Variants in FAM184A observed in about 807,000 individuals in gnomAD.
FAM184A encodes family with sequence similarity 184 member A.
Under a neutral mutation model 143.8 loss-of-function variants are expected in FAM184A, and 99 were observed. The observed-to-expected ratio is 0.69, with a 90% CI of 0.58 to 0.81. FAM184A has a LOEUF of 0.81. FAM184A is among the 40% of genes least tolerant of loss of function. The probability of loss-of-function intolerance (pLI) is 0.00; values close to 1 mark genes in which losing one functional copy is unlikely to be tolerated. For synonymous variants in FAM184A, 427 were observed against 446.4 expected (o/e 0.96, Z 0.55); for missense variants, 1,217 against 1,310.5 (o/e 0.93, Z 1.10).
intron 11 of FAM184A, among the ~76,000 whole-genome samples, chr6:118,978,929 A>C (rs1783931064): frequency 2.6e-5 from 4 of 152,206 alleles, no homozygotes; most frequent in Admixed American, 2.0e-4. Context: ...ATAGGTAGAA[A>C]TCTCAAAGAA....
intron 1 of FAM184A, among the ~76,000 whole-genome samples, chr6:119,114,170 C>T (rs2114851971): frequency 6.6e-6 from 1 of 152,298 alleles, no homozygotes; most frequent in African/African-American, 2.4e-5. Context: ...GGTGCCTACA[C>T]TATCCCATAT....
At chr6:118,978,164 T>C (rs1379419974) in intron 11 of FAM184A, among the ~76,000 whole-genome samples, 1 of 152,160 alleles carries the variant, frequency 6.6e-6, no homozygotes, top group Non-Finnish European at 1.5e-5. Context: ...AGTTTCACCA[T>C]GTTGGTCAGG....
chr6:119,123,594 T>C (rs1789283634), intron 1 of FAM184A, among the ~76,000 whole-genome samples: 1 of 152,296 alleles, frequency 6.6e-6, no homozygotes, highest in South Asian at 2.1e-4. Context: ...CCAATCATGG[T>C]TGGCAAGGAA....
rs180894207 is a variant in FAM184A at position 119,102,159 on chromosome 6, G to C, written c.-202+46919C>G. Among the ~76,000 whole-genome samples the C allele has an allele frequency of 1.1e-3, 160 of 152,314 alleles. 1 individual carries two copies. The highest frequency in any genetic ancestry group is 1.4e-3 in the Non-Finnish European group (93 of 68,032). On this transcript the variant is annotated intron_variant, in intron 1 of 16. Transcript: ENST00000352896. ...TTCTATCATGGAAAAGGAGTAGTTA[G>C]GGCAGGGCACAGGAAACAGCAGATT...
At chr6:119,015,638 C>G (rs1582506826) in intron 5 of FAM184A, among the ~76,000 whole-genome samples, 1 of 152,360 alleles carries the variant, frequency 6.6e-6, no homozygotes, top group African/African-American at 2.4e-5. Context: ...CAACCCGAGC[C>G]TCCCCCGACG....
chr6:119,117,618 C>A (rs143104226), intron 1 of FAM184A, among the ~76,000 whole-genome samples: 1 of 152,178 alleles, frequency 6.6e-6, no homozygotes, highest in South Asian at 2.1e-4. Context: ...CGTACCTTCA[C>A]GGTTTATGAA....
intron 1 of FAM184A, among the ~76,000 whole-genome samples, chr6:119,031,179 A>G (rs1005284947): frequency 3.3e-5 from 5 of 152,204 alleles, no homozygotes; most frequent in Non-Finnish European, 7.3e-5. Context: ...TAGGTAAAAT[A>G]AGAAGTTTCT....
intron 1 of FAM184A, among the ~76,000 whole-genome samples, chr6:119,037,369 T>A (rs1385333713): frequency 6.6e-6 from 1 of 152,218 alleles, no homozygotes; most frequent in Non-Finnish European, 1.5e-5. Flanking sequence ...CTTCACTATG[T>A]TGCCCAGGCT....
intron 1 of FAM184A, among the ~76,000 whole-genome samples, chr6:119,106,102 C>A (rs1788769671): frequency 6.6e-6 from 1 of 152,092 alleles, no homozygotes; most frequent in Non-Finnish European, 1.5e-5. Context: ...ATTAAAAAAA[C>A]CAAACTGATG....
intron 1 of FAM184A, among the ~76,000 whole-genome samples, chr6:119,100,215 G>A (rs957196700): frequency 6.6e-6 from 1 of 152,180 alleles, no homozygotes; most frequent in Admixed American, 6.5e-5. Flanking sequence ...GAACTATGGT[G>A]AGGGAGAAAT....
At chr6:119,106,219 C>T (rs879087644) in intron 1 of FAM184A, among the ~76,000 whole-genome samples, 3 of 142,564 alleles carry the variant, frequency 2.1e-5, no homozygotes, top group East Asian at 2.2e-4. Context: ...GGTGAAATCC[C>T]GTCTCTACTA....
rs1034484965 is a variant in FAM184A, at chr6:119,078,457, C to T, written c.-158G>A. 2.9e-6 allele frequency: 2 copies of T among 693,004 alleles called. No individual in the cohort carries two copies. Among genetic ancestry groups the T allele is most frequent in the Non-Finnish European group, 4.3e-6 (2 of 462,988 alleles). The allele number at this position is 693,004 out of a possible 1,614,324, so 42.9% of individuals were successfully genotyped here. On this transcript the variant is annotated 5_prime_UTR_variant, in exon 1 of 18. Coordinates refer to ENST00000338891, the MANE Select transcript of FAM184A (RefSeq NM_024581.6). The surrounding 1 kb of genome is among the most constrained non-coding windows in gnomAD (Gnocchi z 5.5). Reference sequence around the variant, plus strand: ...GCAGGCGCCGTCCCACCCGCGACCCCCGGGTCACCCCTGGAAGGGACGGGG... The same window carrying T: ...GCAGGCGCCGTCCCACCCGCGACCCTCGGGTCACCCCTGGAAGGGACGGGG...
chr6:119,119,222 CG>C (rs1789143378), intron 1 of FAM184A, among the ~76,000 whole-genome samples: 2 of 152,330 alleles, frequency 1.3e-5, no homozygotes, highest in Admixed American at 6.5e-5. Flanking sequence ...AATTTCGCCC[CG>C]GTCCTGTGGT....
Position 118,975,940 on chromosome 6 carries a change from TTCTC to T in FAM184A, c.2556_2559del (p.Arg853AlafsTer2), listed in dbSNP as rs1169960665. 3.5e-5 allele frequency: 57 copies of T among 1,613,070 alleles called. No individual in the cohort carries two copies. Among genetic ancestry groups the T allele is most frequent in the Non-Finnish European group, 4.3e-5 (51 of 1,179,902 alleles). ...ACCTGTCTTCTGCTGATGTCTATGC[TTCTC>T]TCTAATTCCATTTTAGCAGCTGCCA... On this transcript the variant is annotated frameshift_variant, in exon 12 of 18. Transcript: ENST00000338891. LOFTEE classifies it high-confidence loss of function.
chr6:119,134,014 CA>C (rs933087683), intron 1 of FAM184A, among the ~76,000 whole-genome samples: 12 of 151,426 alleles, frequency 7.9e-5, no homozygotes, highest in African/African-American at 2.9e-4. Context: ...CACAAAAGTG[CA>C]AAATACACAG....
In FAM184A at chr6:119,033,888, A is replaced by G. The variant is rs1027369897; in HGVS notation, c.160-9075T>C. 4.2e-5 allele frequency among the ~76,000 whole-genome samples: 6 copies of G among 142,052 alleles called. No individual in the cohort carries two copies. The Admixed American group carries it at 4.3e-4, about 10-fold the overall frequency. 93.2% of individuals were successfully genotyped at this position (142,052 alleles called of 152,430 possible). A position where few individuals can be genotyped will look rare whatever the true frequency, so the allele number is the denominator to read the frequency against. On this transcript the variant is annotated intron_variant, in intron 1 of 17. Transcript: ENST00000338891. Reference sequence around the variant, plus strand: ...GCGTCTGTAATCCCAGCTACCCAGGAGGCTGAGGCAGGAGAATTGCTTGTC... The same window carrying G: ...GCGTCTGTAATCCCAGCTACCCAGGGGGCTGAGGCAGGAGAATTGCTTGTC...
chr6:119,016,415 T>A (rs896919322), intron 5 of FAM184A, among the ~76,000 whole-genome samples: 2 of 152,114 alleles, frequency 1.3e-5, no homozygotes, highest in African/African-American at 4.8e-5. Context: ...GCAGCTTCAC[T>A]CCTGAGCCTA....
chr6:119,038,001 T>C (rs1415481130), intron 1 of FAM184A, among the ~76,000 whole-genome samples: 1 of 152,168 alleles, frequency 6.6e-6, no homozygotes, highest in Non-Finnish European at 1.5e-5. Context: ...AGGTAAAACC[T>C]TAGTGTTGAG....
At chr6:119,104,730 G>T (rs906839828) in intron 1 of FAM184A, among the ~76,000 whole-genome samples, 16 of 152,036 alleles carry the variant, frequency 1.1e-4, no homozygotes, top group African/African-American at 3.9e-4. Context: ...CTTAAGTGTG[G>T]ACTGCAAATA....
Sources: gnomAD v4.1 joint callset for allele counts (sites outside exome capture counted in the v4.1 genomes callset) on GRCh38, gnomAD v4.1.1 for gene constraint, Gnocchi (gnomAD v3.1) non-coding constraint, MANE v1.5 for transcripts, NCBI Gene and HGNC (gene_info 2026-07-23, HGNC 2026-07-21) for gene names.